Variants in CSMD1 observed in about 807,000 individuals in gnomAD.
CSMD1 encodes CUB and Sushi multiple domains 1.
CSMD1 carries 213 observed loss-of-function variants against 417.5 expected under a neutral mutation model. That is an observed-to-expected ratio of 0.51 (90% CI 0.46 to 0.57). The LOEUF is 0.57. Ranked by LOEUF, CSMD1 falls within the 20% of genes least tolerant of loss-of-function variation. The probability of loss-of-function intolerance (pLI) is 0.00; values close to 1 mark genes in which losing one functional copy is unlikely to be tolerated. For missense variants in CSMD1, 6,923 were observed against 4,529.7 expected (o/e 1.53, Z -15.17); for synonymous variants, 2,862 against 1,736.8 (o/e 1.65, Z -16.11).
intron 4 of CSMD1, among the ~76,000 whole-genome samples, chr8:4,019,558 T>C (rs1196039050): frequency 6.6e-6 from 1 of 152,220 alleles, no homozygotes; most frequent in Non-Finnish European, 1.5e-5. Flanking sequence ...GTGCCTGAGC[T>C]GTCGTATCTG....
In CSMD1 at chr8:4,827,789, G is replaced by C. The variant is rs181865798; in HGVS notation, c.85+166543C>G. Among the ~76,000 whole-genome samples the C allele has an allele frequency of 4.6e-5, 7 of 152,212 alleles. No individual in the cohort carries two copies. The East Asian group carries it at 1.2e-3, about 25-fold the overall frequency. ...CATTAAAGATTGAAATTCAGCTCCT[G>C]CTTAAACCCCTGGAAAATTTTTACT... is the stretch of plus-strand genomic sequence containing the variant. On this transcript the variant is annotated intron_variant, in intron 1 of 69. Transcript: ENST00000635120.
At chr8:3,956,964 G>C (rs1050871078) in intron 5 of CSMD1, among the ~76,000 whole-genome samples, 1 of 152,158 alleles carries the variant, frequency 6.6e-6, no homozygotes, top group Non-Finnish European at 1.5e-5. Flanking sequence ...TATACGGAAA[G>C]GTTGGACCTG....
chr8:3,250,270 C>A (rs948651905), intron 26 of CSMD1, among the ~76,000 whole-genome samples: 1 of 152,166 alleles, frequency 6.6e-6, no homozygotes, highest in Non-Finnish European at 1.5e-5. Context: ...CATGTGTACT[C>A]ATTGTTCAAT....
intron 49 of CSMD1, among the ~76,000 whole-genome samples, chr8:3,085,178 G>A (rs370926385): frequency 6.6e-6 from 1 of 151,992 alleles, no homozygotes; most frequent in Non-Finnish European, 1.5e-5. Flanking sequence ...TGATTATGAA[G>A]TCCCTTAACT....
At chr8:3,716,253 G>T (rs994094583) in intron 6 of CSMD1, among the ~76,000 whole-genome samples, 8 of 152,202 alleles carry the variant, frequency 5.3e-5, no homozygotes, top group Middle Eastern at 3.4e-3. Flanking sequence ...CCCCAAGAGA[G>T]TGTTCTTGAA....
At position 3,653,529 on chromosome 8, in the gene CSMD1, G is replaced by A. The variant is rs190857436; in HGVS notation, c.1010-36732C>T. ...TCACCATGTTGGCCAAGCTGGTCTC[G>A]AACTCCTGACCTCAAGTAATCAGCG... is the stretch of plus-strand genomic sequence containing the variant. On this transcript the variant is annotated intron_variant, in intron 7 of 69. Coordinates refer to ENST00000635120, the MANE Select transcript of CSMD1 (RefSeq NM_033225.6). Among the ~76,000 whole-genome samples, 464 of 152,194 alleles carry A rather than the reference G, an allele frequency of 3.0e-3. 1 individual carries two copies. Among genetic ancestry groups the A allele is most frequent in the African/African-American group, 0.01 (433 of 41,544 alleles).
intron 3 of CSMD1, among the ~76,000 whole-genome samples, chr8:4,073,729 C>T (rs1371651946): frequency 2.0e-5 from 3 of 151,986 alleles, no homozygotes; most frequent in Non-Finnish European, 2.9e-5. Context: ...GTATAGACAC[C>T]AGCTGTTTTC....
chr8:4,268,224 T>C (rs1804342844), intron 3 of CSMD1, among the ~76,000 whole-genome samples: 1 of 152,076 alleles, frequency 6.6e-6, no homozygotes, highest in Non-Finnish European at 1.5e-5. Context: ...TTAAAGAAAA[T>C]AATTGTAAGG....
chr8:4,133,093 G>C (rs932846693), intron 3 of CSMD1, among the ~76,000 whole-genome samples: 1 of 151,996 alleles, frequency 6.6e-6, no homozygotes, highest in African/African-American at 2.4e-5. Context: ...ACGCCACCAT[G>C]CCCGGATAAT....
At chr8:4,094,307 C>A (rs1021331198) in intron 3 of CSMD1, among the ~76,000 whole-genome samples, 3 of 152,058 alleles carry the variant, frequency 2.0e-5, no homozygotes, top group African/African-American at 4.8e-5. Context: ...GAAGAATCAG[C>A]AGGCGACTGT....
chr8:3,750,326 A>T (rs932344540), intron 6 of CSMD1, among the ~76,000 whole-genome samples: 1 of 149,854 alleles, frequency 6.7e-6, no homozygotes, highest in African/African-American at 2.4e-5. Context: ...ATATGTATAT[A>T]TATATCTTAT....
At chr8:4,523,086 C>T (rs1293869967) in intron 2 of CSMD1, among the ~76,000 whole-genome samples, 2 of 152,146 alleles carry the variant, frequency 1.3e-5, no homozygotes, top group African/African-American at 4.8e-5. Flanking sequence ...GAAACTCCAA[C>T]CTTTTGGTGG....
At chr8:4,376,959 C>A (rs1042150262) in intron 3 of CSMD1, among the ~76,000 whole-genome samples, 4 of 152,116 alleles carry the variant, frequency 2.6e-5, no homozygotes, top group African/African-American at 9.7e-5. Context: ...CTCCACTCAC[C>A]GCACAGGTGC....
At chr8:4,178,437 A>C (rs1798177094) in intron 3 of CSMD1, among the ~76,000 whole-genome samples, 1 of 151,386 alleles carries the variant, frequency 6.6e-6, no homozygotes, top group African/African-American at 2.4e-5. Flanking sequence ...ATCTCAAAAT[A>C]ATAAGAGCTA....
Position 4,690,427 on chromosome 8 carries a change from A to G in CSMD1, c.86-52869T>C, listed in dbSNP as rs190091988. 5.9e-5 allele frequency among the ~76,000 whole-genome samples: 9 copies of G among 152,336 alleles called. No homozygotes were observed. In the East Asian group the frequency reaches 1.5e-3, roughly 26 times the overall value. On this transcript the variant is annotated intron_variant, in intron 1 of 69. Coordinates refer to ENST00000635120, the MANE Select transcript of CSMD1 (RefSeq NM_033225.6). ...AATTTCAGAATATTCAACAGCCAAA[A>G]AAGAAGAAAGTTGCAGAATTTAAGG...
intron 3 of CSMD1, among the ~76,000 whole-genome samples, chr8:4,102,418 C>T (rs976802351): frequency 6.6e-6 from 1 of 152,116 alleles, no homozygotes; most frequent in Admixed American, 6.5e-5. Flanking sequence ...AATATTCTCC[C>T]TGATTCTGTC....
At chr8:4,790,147 G>C (rs1797617019) in intron 1 of CSMD1, among the ~76,000 whole-genome samples, 1 of 152,050 alleles carries the variant, frequency 6.6e-6, no homozygotes, top group South Asian at 2.1e-4. Context: ...GGACAAACAA[G>C]ACAAATACAT....
At chr8:4,662,218 A>G (rs374982731) in intron 1 of CSMD1, among the ~76,000 whole-genome samples, 23 of 152,208 alleles carry the variant, frequency 1.5e-4, no homozygotes, top group African/African-American at 4.8e-4. Flanking sequence ...TTGCAAAGTT[A>G]TGCTATAATG....
intron 7 of CSMD1, among the ~76,000 whole-genome samples, chr8:3,692,086 A>G (rs952592117): frequency 6.6e-6 from 1 of 152,134 alleles, no homozygotes; most frequent in Non-Finnish European, 1.5e-5. Flanking sequence ...CTTCGCAATC[A>G]TCCTCTGACT....
Sources: gnomAD v4.1 joint callset for allele counts (sites outside exome capture counted in the v4.1 genomes callset) on GRCh38, gnomAD v4.1.1 for gene constraint, MANE v1.5 for transcripts, NCBI Gene and HGNC (gene_info 2026-07-23, HGNC 2026-07-21) for gene names.